The following ARB2A variants were observed in gnomAD, a reference collection of about 807,000 sequenced individuals.
ARB2A encodes the protein ARB2 cotranscriptional regulator A, also known as cotranscriptional regulator ARB2A.
chr5:93,866,306 A>G, the ARB2A span: 1 of 979,312 alleles, frequency 1.0e-6, no homozygotes, highest in Non-Finnish European at 1.2e-6. Flanking sequence ...AAGATTTTCA[A>G]ATTTATATTC....
At chr5:93,764,343 G>A in the ARB2A span, among the ~76,000 whole-genome samples, 8 of 151,990 alleles carry the variant, frequency 5.3e-5, no homozygotes, top group South Asian at 2.1e-4. Flanking sequence ...TCAAATAGAC[G>A]CAATAAAAAA....
chr5:94,103,393 A>G, the ARB2A span, among the ~76,000 whole-genome samples: 2 of 152,122 alleles, frequency 1.3e-5, no homozygotes, highest in African/African-American at 4.8e-5. Context: ...ACAGACTTGA[A>G]AGCAACAATA....
chr5:94,004,998 C>CAAAAAAAAAAAAAAAAAAAAAAAAAAAA, the ARB2A span, among the ~76,000 whole-genome samples: 1 of 12,552 alleles, frequency 8.0e-5, no homozygotes, highest in Non-Finnish European at 1.6e-4. Flanking sequence ...ATTTTATCAG[C>CAAAAAAAAAAAAAAAAAAAAAAAAAAAA]AAAAAAAAAA....
the ARB2A span, among the ~76,000 whole-genome samples, chr5:93,933,781 TC>T: frequency 2.0e-5 from 3 of 151,922 alleles, no homozygotes; most frequent in African/African-American, 7.3e-5. Context: ...CGCACATGTA[TC>T]CCAGAGCTTA....
At chr5:93,834,892 G>T in the ARB2A span, among the ~76,000 whole-genome samples, 1 of 152,044 alleles carries the variant, frequency 6.6e-6, no homozygotes, top group Non-Finnish European at 1.5e-5. Context: ...TTTCTAATAC[G>T]CTTCAATTAC....
the ARB2A span, among the ~76,000 whole-genome samples, chr5:93,800,646 T>C: frequency 4.6e-5 from 7 of 152,080 alleles, no homozygotes; most frequent in Non-Finnish European, 7.4e-5. Flanking sequence ...TCCTTAGAGA[T>C]TACAGGTGGT....
At chr5:93,978,352 TAG>T in the ARB2A span, among the ~76,000 whole-genome samples, 1 of 152,058 alleles carries the variant, frequency 6.6e-6, no homozygotes, top group Non-Finnish European at 1.5e-5. Flanking sequence ...AGCAAAGACA[TAG>T]AGTCAACCCA....
At chr5:94,078,200 G>GA in the ARB2A span, among the ~76,000 whole-genome samples, 2 of 152,162 alleles carry the variant, frequency 1.3e-5, no homozygotes, top group African/African-American at 4.8e-5. Context: ...ATGCATTGAT[G>GA]AAAGTACAAA....
chr5:93,690,807 G>A, the ARB2A span, among the ~76,000 whole-genome samples: 1,720 of 152,160 alleles, frequency 0.011, 14 homozygotes, highest in Non-Finnish European at 0.017. Context: ...GGAGAGCTCC[G>A]GCTGGCATAT....
the ARB2A span, among the ~76,000 whole-genome samples, chr5:94,060,324 C>T: frequency 6.6e-6 from 1 of 151,976 alleles, no homozygotes; most frequent in Non-Finnish European, 1.5e-5. Flanking sequence ...TGCACTCCAG[C>T]CAGGGCCACA....
At chr5:93,745,552 T>C in the ARB2A span, among the ~76,000 whole-genome samples, 1 of 152,114 alleles carries the variant, frequency 6.6e-6, no homozygotes, top group Non-Finnish European at 1.5e-5. Flanking sequence ...AGGAAGGTGA[T>C]CCTTGCTTCA....
the ARB2A span, among the ~76,000 whole-genome samples, chr5:94,042,085 C>G: frequency 6.6e-6 from 1 of 151,984 alleles, no homozygotes; most frequent in South Asian, 2.1e-4. Context: ...AATTTCCTGC[C>G]TAGATTAAAG....
chr5:93,916,561 T>C, the ARB2A span, among the ~76,000 whole-genome samples: 1 of 152,128 alleles, frequency 6.6e-6, no homozygotes, highest in Non-Finnish European at 1.5e-5. Flanking sequence ...TAGAAATACA[T>C]ATTGGGTCAG....
At chr5:93,940,187 T>C in the ARB2A span, among the ~76,000 whole-genome samples, 1 of 152,110 alleles carries the variant, frequency 6.6e-6, no homozygotes, top group Non-Finnish European at 1.5e-5. Context: ...ACAAGTTATA[T>C]TTACATTTGG....
chr5:93,653,930 G>A, the ARB2A span, among the ~76,000 whole-genome samples: 1 of 152,208 alleles, frequency 6.6e-6, no homozygotes, highest in Non-Finnish European at 1.5e-5. Flanking sequence ...GCTCTAGGGT[G>A]AGTATGTTGA....
the ARB2A span, among the ~76,000 whole-genome samples, chr5:94,000,941 C>CA: frequency 3.3e-5 from 5 of 152,042 alleles, no homozygotes; most frequent in South Asian, 8.3e-4. Flanking sequence ...GATCCTCTAT[C>CA]AAAAATCAGT....
the ARB2A span, among the ~76,000 whole-genome samples, chr5:93,795,323 C>T: frequency 3.2e-4 from 48 of 152,254 alleles, no homozygotes; most frequent in African/African-American, 8.9e-4. Context: ...ACAACAGCAC[C>T]GAGTCTATTT....
the ARB2A span, among the ~76,000 whole-genome samples, chr5:94,011,478 ATACTGCCTGATAGAGAGT>A: frequency 6.6e-6 from 1 of 152,186 alleles, no homozygotes; most frequent in Non-Finnish European, 1.5e-5. Context: ...GGTACCTAGA[ATACTGCCTGATAGAGAGT>A]AGACAGCCAA....
the ARB2A span, among the ~76,000 whole-genome samples, chr5:93,772,580 A>G: frequency 6.6e-6 from 1 of 152,196 alleles, no homozygotes; most frequent in South Asian, 2.1e-4. Context: ...ATCATCTCAC[A>G]GTTTTTGTGG....
Sources: allele counts gnomAD v4.1 joint callset (sites outside exome capture counted in the v4.1 genomes callset), GRCh38; gene constraint gnomAD v4.1.1; transcripts MANE v1.5; gene names NCBI Gene and HGNC (gene_info 2026-07-23, HGNC 2026-07-21).